The following ENTREP2 variants were observed in gnomAD, a reference collection of about 807,000 sequenced individuals.
ENTREP2 encodes the protein protein ENTREP2.
chr15:29,662,198 T>G, the ENTREP2 span, among the ~76,000 whole-genome samples: 6 of 100,788 alleles, frequency 6.0e-5, no homozygotes, highest in Admixed American at 1.6e-4. Flanking sequence ...GTGATGGGAG[T>G]GAAACCCTGT....
the ENTREP2 span, among the ~76,000 whole-genome samples, chr15:29,554,322 A>T: frequency 6.6e-6 from 1 of 151,610 alleles, no homozygotes; most frequent in Non-Finnish European, 1.5e-5. Context: ...CTCAAAAAAA[A>T]AAAAAAGGAA....
chr15:29,138,414 C>T, the ENTREP2 span, among the ~76,000 whole-genome samples: 2 of 152,140 alleles, frequency 1.3e-5, no homozygotes, highest in Non-Finnish European at 2.9e-5. Context: ...CAGTCAATGC[C>T]GCCCTATGAG....
the ENTREP2 span, among the ~76,000 whole-genome samples, chr15:29,248,277 G>T: frequency 9.9e-5 from 15 of 152,092 alleles, no homozygotes; most frequent in African/African-American, 3.6e-4. Flanking sequence ...AGTTATTGGG[G>T]TAGCATAATC....
At chr15:29,558,542 C>T in the ENTREP2 span, among the ~76,000 whole-genome samples, 1 of 150,548 alleles carries the variant, frequency 6.6e-6, no homozygotes, top group Non-Finnish European at 1.5e-5. Context: ...AAACCCTTCA[C>T]CCAGGTGGGG....
the ENTREP2 span, among the ~76,000 whole-genome samples, chr15:29,450,615 G>C: frequency 5.1e-4 from 78 of 152,214 alleles, no homozygotes; most frequent in South Asian, 0.016. Context: ...TAGTACTGAG[G>C]ATAAACCCAA....
At chr15:29,631,306 C>T in the ENTREP2 span, among the ~76,000 whole-genome samples, 3 of 152,110 alleles carry the variant, frequency 2.0e-5, no homozygotes, top group Admixed American at 2.0e-4. Context: ...TTTCTGGGTT[C>T]CTGGCATGAC....
the ENTREP2 span, among the ~76,000 whole-genome samples, chr15:29,437,464 A>G: frequency 1.3e-5 from 2 of 152,248 alleles, no homozygotes; most frequent in Non-Finnish European, 2.9e-5. Context: ...TAAAAGTAAC[A>G]GAACACTTCA....
the ENTREP2 span, among the ~76,000 whole-genome samples, chr15:29,585,581 G>A: frequency 6.6e-6 from 1 of 152,174 alleles, no homozygotes; most frequent in South Asian, 2.1e-4. Flanking sequence ...CACAGGCCGG[G>A]CGCGGTGGCT....
chr15:29,297,102 T>C, the ENTREP2 span, among the ~76,000 whole-genome samples: 2 of 152,060 alleles, frequency 1.3e-5, no homozygotes, highest in Admixed American at 1.3e-4. Context: ...ATGAACTAAC[T>C]ACCTGCCAGA....
chr15:29,614,852 T>C, the ENTREP2 span, among the ~76,000 whole-genome samples: 1 of 152,004 alleles, frequency 6.6e-6, no homozygotes, highest in South Asian at 2.1e-4. Context: ...AGCTTAGATG[T>C]TTGAAACCAG....
chr15:29,388,447 A>G, the ENTREP2 span, among the ~76,000 whole-genome samples: 18 of 152,152 alleles, frequency 1.2e-4, no homozygotes, highest in East Asian at 1.9e-4. Flanking sequence ...GAATGGCCAT[A>G]ATTAAAAAGT....
At chr15:29,623,409 G>A in the ENTREP2 span, among the ~76,000 whole-genome samples, 3 of 152,182 alleles carry the variant, frequency 2.0e-5, no homozygotes, top group African/African-American at 7.2e-5. Context: ...CATTAACACT[G>A]TAGTTAGCAC....
chr15:29,539,527 C>T, the ENTREP2 span, among the ~76,000 whole-genome samples: 1 of 152,124 alleles, frequency 6.6e-6, no homozygotes, highest in African/African-American at 2.4e-5. Flanking sequence ...GAGTCCACCA[C>T]TCAACCCTGG....
chr15:29,613,648 T>C, the ENTREP2 span: 212 of 184,124 alleles, frequency 1.2e-3, no homozygotes, highest in African/African-American at 4.9e-3. Context: ...CTCCTTATAA[T>C]ATTCGCTTCC....
At chr15:29,364,645 CAG>C in the ENTREP2 span, among the ~76,000 whole-genome samples, 1 of 152,166 alleles carries the variant, frequency 6.6e-6, no homozygotes, top group South Asian at 2.1e-4. Flanking sequence ...GTGTGGGAGA[CAG>C]AGATAGATCA....
At chr15:29,220,908 T>G in the ENTREP2 span, among the ~76,000 whole-genome samples, 1 of 152,180 alleles carries the variant, frequency 6.6e-6, no homozygotes, top group Non-Finnish European at 1.5e-5. Flanking sequence ...CTAATTCATC[T>G]CTTGCTCTGC....
chr15:29,417,435 T>C, the ENTREP2 span, among the ~76,000 whole-genome samples: 4,065 of 152,122 alleles, frequency 0.027, 189 homozygotes, highest in African/African-American at 0.093. Context: ...CAGGTGGGAA[T>C]TGAACAATGA....
chr15:29,572,273 T>A, the ENTREP2 span, among the ~76,000 whole-genome samples: 1 of 152,232 alleles, frequency 6.6e-6, no homozygotes, highest in African/African-American at 2.4e-5. Context: ...AAACGCTGCC[T>A]TCTCCCCCAG....
chr15:29,249,490 G>C, the ENTREP2 span, among the ~76,000 whole-genome samples: 3 of 152,076 alleles, frequency 2.0e-5, no homozygotes, highest in African/African-American at 7.2e-5. Context: ...ATAATCAACT[G>C]GGTGGTAGGA....
Sources: gnomAD v4.1 joint callset for allele counts (sites outside exome capture counted in the v4.1 genomes callset) on GRCh38, gnomAD v4.1.1 for gene constraint, MANE v1.5 for transcripts, NCBI Gene and HGNC (gene_info 2026-07-23, HGNC 2026-07-21) for gene names.